SRPRB: variants seen among roughly 807,000 people sequenced by gnomAD.
SRPRB encodes SRP receptor subunit beta, also known as signal recognition particle receptor subunit beta.
Under a neutral mutation model 31.9 loss-of-function variants are expected in SRPRB, and 20 were observed. That is an observed-to-expected ratio of 0.63 (90% CI 0.44 to 0.91). SRPRB has a LOEUF of 0.91. Among genes scored for constraint, SRPRB ranks in the 40% least tolerant of loss-of-function variants. The pLI is 0.00. For missense variants in SRPRB, 321 were observed against 324.9 expected (o/e 0.99, Z 0.09); for synonymous variants, 146 against 132.8 (o/e 1.10, Z -0.68).
At chr3:133,817,034 A>T in intron 6 of SRPRB, 102 bp downstream of exon 6, 1 of 845,258 alleles carries the variant, frequency 1.2e-6, no homozygotes, top group Non-Finnish European at 1.8e-6. Context: ...GATTATCACA[A>T]TTATAGACTG....
intron 3 of SRPRB, among the ~76,000 whole-genome samples, chr3:133,809,252 C>G (rs1410960044): frequency 6.6e-6 from 1 of 152,118 alleles, no homozygotes; most frequent in Non-Finnish European, 1.5e-5. Context: ...CTCAGCTTCC[C>G]AAATTGCTGG....
At chr3:133,794,193 C>G (rs139392755) in intron 1 of SRPRB, 46 of 152,214 alleles carry the variant, frequency 3.0e-4, no homozygotes, top group African/African-American at 9.6e-4. Flanking sequence ...GTCGTTAAAG[C>G]TTTTGTTAGT....
intron 1 of SRPRB, among the ~76,000 whole-genome samples, chr3:133,799,778 C>T (rs1935035179): frequency 6.6e-6 from 1 of 152,082 alleles, no homozygotes; most frequent in African/African-American, 2.4e-5. Context: ...GAAGAGACCC[C>T]TTCTGTGTTT....
At chr3:133,795,722 C>G (rs371138522) in intron 1 of SRPRB, 1 of 152,000 alleles carries the variant, frequency 6.6e-6, no homozygotes, top group Non-Finnish European at 1.5e-5. Flanking sequence ...ACTACAGGCA[C>G]CTGCCACCAC....
upstream of SRPRB, among the ~76,000 whole-genome samples, chr3:133,805,213 C>CTG (rs1935128266): frequency 6.6e-6 from 1 of 152,152 alleles, no homozygotes; most frequent in Non-Finnish European, 1.5e-5. Context: ...GTTTGCAGCC[C>CTG]TAGATTGACA....
chr3:133,814,966 C>T (rs765937786), intron 4 of SRPRB, among the ~76,000 whole-genome samples: 1 of 152,220 alleles, frequency 6.6e-6, no homozygotes, highest in Non-Finnish European at 1.5e-5. Flanking sequence ...TGTGTCACGC[C>T]TCACTGTCTG....
At chr3:133,823,300 C>A (rs1474413387), downstream of SRPRB, among the ~76,000 whole-genome samples, 1 of 144,698 alleles carries the variant, frequency 6.9e-6, no homozygotes, top group Non-Finnish European at 1.5e-5. Flanking sequence ...ACTCTGTCGC[C>A]CAGGCTGGAG....
upstream of SRPRB, among the ~76,000 whole-genome samples, chr3:133,803,613 T>C (rs1935093439): frequency 6.6e-6 from 1 of 152,026 alleles, no homozygotes; most frequent in Non-Finnish European, 1.5e-5. Context: ...AACATCTCTA[T>C]CTAGCTACTC....
downstream of SRPRB, chr3:133,826,490 G>A (rs1003830131): frequency 2.0e-5 from 3 of 152,666 alleles, no homozygotes; most frequent in African/African-American, 7.2e-5. Flanking sequence ...AAATGGGGCG[G>A]TCTCAGAGGC....
chr3:133,819,134 C>T (rs1935419244), intron 6 of SRPRB, among the ~76,000 whole-genome samples: 1 of 152,120 alleles, frequency 6.6e-6, no homozygotes, highest in South Asian at 2.1e-4. Context: ...TTCTAAACTC[C>T]ATATCCAAAT....
downstream of SRPRB, chr3:133,827,953 C>A (rs1935596252): frequency 1.4e-6 from 1 of 702,948 alleles, no homozygotes; most frequent in Non-Finnish European, 2.6e-6. Flanking sequence ...GTCTATAAAC[C>A]ACGCACCACG....
chr3:133,828,331 A>T (rs1013227216), downstream of SRPRB: 8 of 353,984 alleles, frequency 2.3e-5, no homozygotes, highest in African/African-American at 1.7e-4. Context: ...AATTGTTTTA[A>T]TTTATTGGGC....
chr3:133,806,151 C>T (rs2107967803), intron 1 of SRPRB, 149 bp downstream of exon 1: 3 of 1,100,692 alleles, frequency 2.7e-6, no homozygotes, highest in South Asian at 1.7e-5. Flanking sequence ...CCCACCCTCT[C>T]TCCTGAAGCA....
intron 3 of SRPRB, among the ~76,000 whole-genome samples, chr3:133,809,059 C>A (rs914648064): frequency 2.0e-5 from 3 of 151,866 alleles, no homozygotes; most frequent in African/African-American, 7.3e-5. Context: ...GTGGCATGAT[C>A]TTGGCTCACT....
intron 5 of SRPRB, 22 bp from the exon 6 acceptor site, chr3:133,816,856 C>T: frequency 6.3e-7 from 1 of 1,596,688 alleles, no homozygotes; most frequent in Middle Eastern, 1.7e-4. Flanking sequence ...TAAACTACAA[C>T]AGTGTCTTTA....
chr3:133,800,049 A>G (rs1163334157), intron 1 of SRPRB, among the ~76,000 whole-genome samples: 2 of 152,204 alleles, frequency 1.3e-5, no homozygotes, highest in African/African-American at 4.8e-5. Flanking sequence ...GAAGTGTGGC[A>G]CTGTTCCTCT....
chr3:133,798,239 G>A (rs1935007987), intron 1 of SRPRB, among the ~76,000 whole-genome samples: 1 of 152,192 alleles, frequency 6.6e-6, no homozygotes, highest in East Asian at 1.9e-4. Context: ...TGCTCATTAA[G>A]TTGGCAGCAG....
intron 1 of SRPRB, chr3:133,792,783 T>G (rs549204279): frequency 6.6e-6 from 1 of 152,298 alleles, no homozygotes; most frequent in East Asian, 1.9e-4. Flanking sequence ...AAAGTTTGAA[T>G]GAGTTGTGGA....
intron 1 of SRPRB, chr3:133,794,572 G>A (rs1424330056): frequency 6.6e-6 from 1 of 152,184 alleles, no homozygotes; most frequent in Non-Finnish European, 1.5e-5. Context: ...ACTGAAGATT[G>A]TATCTTCTGA....
Sources: allele counts gnomAD v4.1 joint callset (sites outside exome capture counted in the v4.1 genomes callset), GRCh38; gene constraint gnomAD v4.1.1; transcripts MANE v1.5; gene names NCBI Gene and HGNC (gene_info 2026-07-23, HGNC 2026-07-21).